The following RIMS3 variants were observed in gnomAD, a reference collection of about 807,000 sequenced individuals.
The protein encoded by RIMS3 is regulating synaptic membrane exocytosis protein 3.
RIMS3 carries 15 observed loss-of-function variants against 29.2 expected under a neutral mutation model. The observed-to-expected ratio is 0.51, with a 90% CI of 0.34 to 0.79. The LOEUF (loss-of-function observed/expected upper bound fraction) is 0.79, where lower values mean the gene tolerates loss of function less well. Ranked by LOEUF, RIMS3 falls within the 30% of genes least tolerant of loss-of-function variation. The pLI, the probability that RIMS3 is intolerant of heterozygous loss-of-function variation, is 0.01. For missense variants in RIMS3, 342 were observed against 421.4 expected (o/e 0.81, Z 1.65); for synonymous variants, 161 against 170.1 (o/e 0.95, Z 0.41).
At chr1:40,651,639 C>T (rs201995174) in intron 1 of RIMS3, among the ~76,000 whole-genome samples, 2 of 152,316 alleles carry the variant, frequency 1.3e-5, no homozygotes, top group African/African-American at 2.4e-5. Flanking sequence ...ACCTTGTCGT[C>T]GTCTTCACCC....
rs1362400276 is a variant in RIMS3 at position 40,629,391 on chromosome 1, T to C, written c.473-19A>G. 3 of 1,607,340 alleles carry C rather than the reference T, an allele frequency of 1.9e-6. No individual in the cohort carries two copies. The highest frequency in any genetic ancestry group is 2.6e-6 in the Non-Finnish European group (3 of 1,174,048). On this transcript the variant is annotated intron_variant, in intron 5 of 7. Coordinates refer to ENST00000372684, the MANE Select transcript of RIMS3 (RefSeq NM_014747.3). ...ACATCTCCTGAAAGGAAGAAGAGGG[T>C]GAGTCCAGGCAGGGCCAGACCAAGG...
chr1:40,633,045 C>A (rs577874784), intron 5 of RIMS3, 24 bp downstream of exon 5: 5 of 1,596,202 alleles, frequency 3.1e-6, no homozygotes, highest in Non-Finnish European at 4.3e-6. Context: ...TTACCCCACT[C>A]AACCTGCCCT....
chr1:40,643,930 C>A (rs1646577910), intron 2 of RIMS3, among the ~76,000 whole-genome samples: 1 of 152,154 alleles, frequency 6.6e-6, no homozygotes, highest in Non-Finnish European at 1.5e-5. Context: ...TGGTTTTGTC[C>A]AGGTACCACC....
At chr1:40,680,481 G>T in the RIMS3 span, among the ~76,000 whole-genome samples, 139 of 152,064 alleles carry the variant, frequency 9.1e-4, no homozygotes, top group Non-Finnish European at 1.8e-3. Flanking sequence ...ACAGGTGTCT[G>T]CCACCATACC....
chr1:40,691,695 G>C, the RIMS3 span: 3 of 452,062 alleles, frequency 6.6e-6, no homozygotes, highest in African/African-American at 4.0e-5. Context: ...AGGGAAAAGG[G>C]GAAACGGTGC....
intron 7 of RIMS3, 103 bp downstream of exon 7, chr1:40,628,707 C>T: frequency 1.4e-6 from 2 of 1,480,802 alleles, no homozygotes; most frequent in Non-Finnish European, 1.9e-6. Flanking sequence ...AATTAATGCA[C>T]CTACCACAGC....
At chr1:40,686,427 T>C in the RIMS3 span, among the ~76,000 whole-genome samples, 1 of 152,012 alleles carries the variant, frequency 6.6e-6, no homozygotes, top group East Asian at 1.9e-4. Context: ...CTGAGGTGGG[T>C]GGATCATGAG....
chr1:40,632,907 A>G (rs1646498192), intron 5 of RIMS3, among the ~76,000 whole-genome samples, 162 bp downstream of exon 5: 1 of 152,178 alleles, frequency 6.6e-6, no homozygotes, highest in Non-Finnish European at 1.5e-5. Context: ...CATTTTAAAT[A>G]TGAGGAGACT....
intron 2 of RIMS3, among the ~76,000 whole-genome samples, chr1:40,642,544 A>C (rs1646565433): frequency 6.6e-6 from 1 of 152,204 alleles, no homozygotes; most frequent in Non-Finnish European, 1.5e-5. Flanking sequence ...ATCACCCTTT[A>C]TCGTACTCTT....
intron 5 of RIMS3, among the ~76,000 whole-genome samples, chr1:40,631,167 G>T (rs1333006704): frequency 1.3e-5 from 2 of 152,170 alleles, no homozygotes; most frequent in African/African-American, 4.8e-5. Context: ...GTGGAGGCGA[G>T]GAGGCACCTC....
chr1:40,685,845 GAAA>G, the RIMS3 span, among the ~76,000 whole-genome samples: 42 of 141,032 alleles, frequency 3.0e-4, no homozygotes, highest in African/African-American at 1.1e-3. Flanking sequence ...AACCTTTAAA[GAAA>G]AAAAAAAAAA....
chr1:40,659,433 T>C (rs1233423870), intron 1 of RIMS3, among the ~76,000 whole-genome samples: 2 of 152,106 alleles, frequency 1.3e-5, no homozygotes, highest in Non-Finnish European at 2.9e-5. Context: ...AAGATTGTTC[T>C]GGGGCTGCTT....
At chr1:40,678,547 C>T in the RIMS3 span, among the ~76,000 whole-genome samples, 1 of 152,228 alleles carries the variant, frequency 6.6e-6, no homozygotes, top group Non-Finnish European at 1.5e-5. Flanking sequence ...GCATTCCCAC[C>T]TGGTCATTCC....
chr1:40,653,589 G>C (rs762105393), intron 1 of RIMS3, among the ~76,000 whole-genome samples: 2 of 152,178 alleles, frequency 1.3e-5, no homozygotes, highest in African/African-American at 2.4e-5. Flanking sequence ...CATTGGGGAG[G>C]GTTTGGGCTG....
Position 40,623,602 on chromosome 1 carries a change from C to G in RIMS3, c.*2915G>C, listed in dbSNP as rs117083668. On this transcript the variant is annotated 3_prime_UTR_variant, in exon 8 of 8. Transcript: ENST00000372684. ...GGGCATTTGGAGCCGGGACACTGAA[C>G]ATGGCAGTGAGTTGGCCCCAGGGTG... 536 of 398,374 alleles carry G rather than the reference C, an allele frequency of 1.3e-3. 5 individuals carry two copies. The East Asian group carries it at 0.019, about 14-fold the overall frequency. 24.7% of individuals were successfully genotyped at this position (398,374 alleles called of 1,614,324 possible).
rs573638643 is a variant in RIMS3 at position 40,629,483 on chromosome 1, G to C, written c.473-111C>G. On this transcript the variant is annotated intron_variant, in intron 5 of 7. Coordinates refer to ENST00000372684, the MANE Select transcript of RIMS3 (RefSeq NM_014747.3). ...GGAGGCTACATCATCACTAGAAAGG[G>C]AACAAGATGGCACCAACCACATGGG... 17 of 902,266 alleles carry C rather than the reference G, an allele frequency of 1.9e-5. 1 individual carries two copies. In the South Asian group the frequency reaches 2.2e-4, roughly 11 times the overall value. The allele number at this position is 902,266 out of a possible 1,614,324, so 55.9% of individuals were successfully genotyped here. A position where few individuals can be genotyped will look rare whatever the true frequency, so the allele number is the denominator to read the frequency against.
the RIMS3 span, among the ~76,000 whole-genome samples, chr1:40,689,346 A>T: frequency 2.0e-5 from 3 of 152,004 alleles, no homozygotes; most frequent in Non-Finnish European, 4.4e-5. Context: ...CAGTGGCGTG[A>T]TATTTGCTCA....
At chr1:40,691,521 T>G in the RIMS3 span, 1 of 289,944 alleles carries the variant, frequency 3.4e-6, no homozygotes, top group Non-Finnish European at 6.9e-6. Context: ...GGGGGCGGGG[T>G]CAAAACTCAG....
At chr1:40,670,130 C>A (rs60739652), upstream of RIMS3, among the ~76,000 whole-genome samples, 599 of 152,270 alleles carry the variant, frequency 3.9e-3, 7 homozygotes, top group African/African-American at 0.014. Flanking sequence ...CTGACCACAT[C>A]CCCTCTCTTA....
Sources: allele counts gnomAD v4.1 joint callset (sites outside exome capture counted in the v4.1 genomes callset), GRCh38; gene constraint gnomAD v4.1.1; transcripts MANE v1.5; gene names NCBI Gene and HGNC (gene_info 2026-07-23, HGNC 2026-07-21).